ADGRG6: variants seen among roughly 807,000 people sequenced by gnomAD.
ADGRG6 encodes the protein G-protein coupled receptor 126.
In ADGRG6, 84 loss-of-function variants were observed where a neutral mutation model predicts 142.4. The observed-to-expected ratio is 0.59, with a 90% CI of 0.49 to 0.71. The LOEUF is 0.71. Ranked by LOEUF, ADGRG6 falls within the 30% of genes least tolerant of loss-of-function variation. ADGRG6 has a pLI of 0.00. For missense variants in ADGRG6, 1,367 were observed against 1,466.6 expected, an observed-to-expected ratio of 0.93 and a Z score of 1.11; for synonymous variants, 521 against 520.5, an observed-to-expected ratio of 1.00 and a Z score of -0.01.
chr6:142,314,342 T>C (rs1467097506), intron 2 of ADGRG6, among the ~76,000 whole-genome samples: 9 of 152,124 alleles, frequency 5.9e-5, no homozygotes, highest in Admixed American at 3.9e-4. Context: ...TTAAATGATA[T>C]TAGGAAGAGG....
chr6:142,332,695 A>G (rs1340693315), intron 2 of ADGRG6, among the ~76,000 whole-genome samples: 1 of 152,220 alleles, frequency 6.6e-6, no homozygotes, highest in Admixed American at 6.5e-5. Context: ...CAAGAGAGAC[A>G]CAATATAGTA....
At chr6:142,318,200 TTA>T (rs1223063493) in intron 2 of ADGRG6, among the ~76,000 whole-genome samples, 9 of 45,956 alleles carry the variant, frequency 2.0e-4, no homozygotes, top group South Asian at 5.2e-4. Flanking sequence ...TATATTTATA[TTA>T]TATATATTTA....
chr6:142,400,001 C>A (rs1775421578), intron 10 of ADGRG6, among the ~76,000 whole-genome samples: 1 of 152,084 alleles, frequency 6.6e-6, no homozygotes, highest in African/African-American at 2.4e-5. Flanking sequence ...TAGTTAGCTT[C>A]CAGGCAGGAG....
At chr6:142,334,498 G>A (rs1779218606) in intron 2 of ADGRG6, among the ~76,000 whole-genome samples, 1 of 152,164 alleles carries the variant, frequency 6.6e-6, no homozygotes, top group East Asian at 1.9e-4. Context: ...AGAGCTGGGA[G>A]TTATGAGGAA....
chr6:142,370,513 T>C lies in ADGRG6; in HGVS notation c.789T>C (p.Ser263=), dbSNP rs769643285. The change falls in exon 4 of 25, where the codon TCT becomes TCC. Residue 263 remains serine (S), a synonymous_variant. Coordinates refer to ENST00000367609, the MANE Select transcript of ADGRG6 (RefSeq NM_198569.3). ...LCLVWNNSLG[S]IGVNFKRNYE... ...TTGTTTGGAATAATTCTTTGGGCTC[T>C]ATTGGTGTAAATTTCAAAAGAAACT... is the stretch of plus-strand genomic sequence containing the variant. 8 of 1,613,684 alleles carry C rather than the reference T, an allele frequency of 5.0e-6. No individual in the cohort carries two copies. In the South Asian group the frequency reaches 8.8e-5, roughly 18 times the overall value.
chr6:142,413,459 T>C (rs1299036209), intron 18 of ADGRG6, among the ~76,000 whole-genome samples: 2 of 152,214 alleles, frequency 1.3e-5, no homozygotes. Flanking sequence ...ATATTTTCAT[T>C]CTCTAAAAGA....
chr6:142,396,833 C>A (rs902240951), intron 9 of ADGRG6, among the ~76,000 whole-genome samples: 1 of 152,068 alleles, frequency 6.6e-6, no homozygotes, highest in African/African-American at 2.4e-5. Flanking sequence ...GTTTTGATTT[C>A]TGCTTTTGAC....
chr6:142,390,791 G>A (rs1337502273), intron 7 of ADGRG6, among the ~76,000 whole-genome samples: 1 of 151,764 alleles, frequency 6.6e-6, no homozygotes. Flanking sequence ...CAGCAAATAG[G>A]AAATCACTAT....
chr6:142,440,223 G>T (rs1278009201), intron 24 of ADGRG6, among the ~76,000 whole-genome samples: 1 of 152,024 alleles, frequency 6.6e-6, no homozygotes, highest in Non-Finnish European at 1.5e-5. Flanking sequence ...GAGGTCCAAA[G>T]GCAGACTTTA....
intron 7 of ADGRG6, 114 bp downstream of exon 7, chr6:142,390,457 A>G (rs949644041): frequency 9.1e-6 from 5 of 549,408 alleles, no homozygotes; most frequent in Non-Finnish European, 1.3e-5. Flanking sequence ...GGTATTCATT[A>G]GAAATATATG....
Position 142,443,679 on chromosome 6 carries a change from T to C in ADGRG6, c.*164T>C. 1 of 516,800 alleles carries C rather than the reference T, an allele frequency of 1.9e-6. No individual in the cohort carries two copies. The highest frequency in any genetic ancestry group is 3.1e-5 in the South Asian group (1 of 31,996). The allele number at this position is 516,800 out of a possible 1,614,324, so 32.0% of individuals were successfully genotyped here. ...TGAAATTCAGAATTTTTCTTTTTAA[T>C]ATATTTCTTCCATGGAAGAGTTGTC... On this transcript the variant is annotated 3_prime_UTR_variant, in exon 25 of 25. Coordinates refer to ENST00000367609, the MANE Select transcript of ADGRG6 (RefSeq NM_198569.3).
At chr6:142,392,911 A>G (rs1774974000) in intron 7 of ADGRG6, 37 bp from the exon 8 acceptor site, 7 of 1,417,338 alleles carry the variant, frequency 4.9e-6, no homozygotes, top group Non-Finnish European at 6.0e-6. Context: ...TTTTAAAGGT[A>G]TTAGCAAAAC....
intron 2 of ADGRG6, among the ~76,000 whole-genome samples, chr6:142,341,493 ATAT>A (rs1478957688): frequency 1.3e-4 from 15 of 117,898 alleles, no homozygotes; most frequent in South Asian, 6.7e-4. Flanking sequence ...ATACTATATA[ATAT>A]TATATAGTAT....
At chr6:142,381,066 G>A (rs1187869295) in intron 4 of ADGRG6, among the ~76,000 whole-genome samples, 2 of 152,170 alleles carry the variant, frequency 1.3e-5, no homozygotes, top group Non-Finnish European at 2.9e-5. Context: ...TGGAGATACT[G>A]TTAAACTGTT....
At chr6:142,419,638 A>T (rs1776557083) in intron 21 of ADGRG6, among the ~76,000 whole-genome samples, 183 bp from the exon 22 acceptor site, 1 of 152,134 alleles carries the variant, frequency 6.6e-6, no homozygotes, top group Admixed American at 6.6e-5. Flanking sequence ...GCCATCCAAA[A>T]ACAAATGAAC....
At chr6:142,312,430 GTGA>G (rs1777813918) in intron 2 of ADGRG6, among the ~76,000 whole-genome samples, 1 of 152,040 alleles carries the variant, frequency 6.6e-6, no homozygotes, top group Non-Finnish European at 1.5e-5. Flanking sequence ...GTCTTGACAA[GTGA>G]TGATTATAAC....
chr6:142,370,609 C>G lies in ADGRG6; in HGVS notation c.885C>G (p.Ser295=). The change falls in exon 4 of 25, where the codon TCC becomes TCG. Residue 295 remains serine, a synonymous_variant. Coordinates refer to ENST00000367609, the MANE Select transcript of ADGRG6 (RefSeq NM_198569.3). ...IPGNGKLLLG[S]NQNEIVSLKG... is the part of the protein sequence containing the mutation. ...GGAATGGGAAATTGTTGTTGGGCTCCAATCAAAATGAAATTGTCTCTCTAA... is the reference window on the plus strand; with the variant it reads ...GGAATGGGAAATTGTTGTTGGGCTCGAATCAAAATGAAATTGTCTCTCTAA... The G allele has an allele frequency of 6.2e-7, 1 of 1,612,918 alleles. No homozygotes were observed. The highest frequency in any genetic ancestry group is 8.5e-7 in the Non-Finnish European group (1 of 1,179,064).
chr6:142,329,202 T>G (rs1778921875), intron 2 of ADGRG6, among the ~76,000 whole-genome samples: 1 of 152,204 alleles, frequency 6.6e-6, no homozygotes. Context: ...TCATGAAGTA[T>G]TGTTTTGGAA....
At position 142,391,478 on chromosome 6, in the gene ADGRG6, CAG is replaced by C. The variant is rs1386903438; in HGVS notation, c.1308+1139_1308+1140del. Among the ~76,000 whole-genome samples, 5 of 141,666 alleles carry C rather than the reference CAG, an allele frequency of 3.5e-5. No individual in the cohort carries two copies. In the East Asian group the frequency reaches 8.9e-4, roughly 25 times the overall value. 92.9% of individuals were successfully genotyped at this position (141,666 alleles called of 152,430 possible). On this transcript the variant is annotated intron_variant, in intron 7 of 24. Transcript: ENST00000367609. Reference sequence around the variant, plus strand: ...ACACACACACACACACACACACACACAGAGACATCTATATATATTTGAAAAAT... The same window carrying C: ...ACACACACACACACACACACACACACAGACATCTATATATATTTGAAAAAT...
Sources: gnomAD v4.1 joint callset for allele counts (sites outside exome capture counted in the v4.1 genomes callset) on GRCh38, gnomAD v4.1.1 for gene constraint, MANE v1.5 for transcripts, NCBI Gene and HGNC (gene_info 2026-07-23, HGNC 2026-07-21) for gene names.